WDR4: variants seen among roughly 807,000 people sequenced by gnomAD.
The protein encoded by WDR4 is tRNA (guanine-N(7)-)-methyltransferase non-catalytic subunit WDR4.
WDR4 carries 47 observed loss-of-function variants against 48.6 expected under a neutral mutation model. The ratio of observed to expected loss-of-function variants is 0.97; its 90% CI spans 0.77 to 1.23. The LOEUF is 1.23. Ranked by LOEUF, WDR4 falls within the 50% of genes most tolerant of loss-of-function variation. The probability of loss-of-function intolerance (pLI) is 0.00; values close to 1 mark genes in which losing one functional copy is unlikely to be tolerated. For missense variants in WDR4, 606 were observed against 551.6 expected (o/e 1.10, Z -0.99); for synonymous variants, 268 against 230.0 (o/e 1.17, Z -1.49).
chr21:42,847,617 G>T (rs369246478), downstream of WDR4, among the ~76,000 whole-genome samples: 2 of 152,208 alleles, frequency 1.3e-5, no homozygotes, highest in South Asian at 2.1e-4. Context: ...CTCTGCAGCC[G>T]TAGCACAAAG....
Position 42,879,517 on chromosome 21 carries a change from A to G in WDR4, c.-22T>C, listed in dbSNP as rs1364946757. On this transcript the variant is annotated 5_prime_UTR_variant, in exon 1 of 11. An upstream start codon of the reference 5' UTR is lost. Coordinates refer to ENST00000398208, the MANE Select transcript of WDR4 (RefSeq NM_018669.6). Reference sequence around the variant, plus strand: ...CCATGTACCCGCCCGCCTCACCGCCATACACATGTGCCAGCCCAGAGCCTC... The same window carrying G: ...CCATGTACCCGCCCGCCTCACCGCCGTACACATGTGCCAGCCCAGAGCCTC... The G allele has an allele frequency of 2.5e-6, 4 of 1,612,070 alleles. No individual in the cohort carries two copies. The highest frequency in any genetic ancestry group is 2.7e-5 in the African/African-American group (2 of 74,798).
At chr21:42,843,529 G>A (rs571119804) in intron 11 of WDR4, among the ~76,000 whole-genome samples, 95 of 146,936 alleles carry the variant, frequency 6.5e-4, no homozygotes, top group Admixed American at 9.1e-4. Context: ...TCCCGCCTCA[G>A]CCTCCCGAGC....
At chr21:42,879,338 G>A (rs534832824) in intron 1 of WDR4, 69 bp downstream of exon 1, 1 of 1,579,188 alleles carries the variant, frequency 6.3e-7, no homozygotes, top group Admixed American at 1.7e-5. Flanking sequence ...TGCGGGAGAA[G>A]CGGGGTCGCC....
Position 42,850,138 on chromosome 21 carries a change from C to G in WDR4, c.1150G>C (p.Glu384Gln). ...GGACTCCGGCGCCGCTGCTTCTTCT[C>G]TAGCTGCTGCTGCAGTCTCTCCTCT... ...KKEERLQQQLEKKQRRRSPPP... is the reference protein window; with the variant it reads ...KKEERLQQQLQKKQRRRSPPP... Residue 384 changes from glutamate to glutamine, a missense_variant, in exon 11 of 11, where the codon GAG (glutamate) becomes CAG (glutamine). Coordinates refer to ENST00000398208, the MANE Select transcript of WDR4 (RefSeq NM_018669.6). The G allele has an allele frequency of 6.2e-7, 1 of 1,614,130 alleles. No homozygotes were observed. The highest frequency in any genetic ancestry group is 8.5e-7 in the Non-Finnish European group (1 of 1,180,000).
At chr21:42,855,888 T>A in intron 6 of WDR4, 108 bp from the exon 7 acceptor site, 1 of 740,482 alleles carries the variant, frequency 1.4e-6, no homozygotes, top group Non-Finnish European at 2.1e-6. Context: ...GTGACAGCCA[T>A]GCCACCCACC....
the WDR4 span, among the ~76,000 whole-genome samples, chr21:42,890,408 C>T: frequency 2.6e-5 from 4 of 152,164 alleles, no homozygotes; most frequent in East Asian, 5.8e-4. Context: ...TGGTGGCACA[C>T]GCCTGTAATC....
intron 9 of WDR4, among the ~76,000 whole-genome samples, 158 bp from the exon 10 acceptor site, chr21:42,852,482 C>A (rs1176540889): frequency 6.6e-6 from 1 of 152,240 alleles, no homozygotes; most frequent in Non-Finnish European, 1.5e-5. Flanking sequence ...GGGGAGGCAG[C>A]CCCCGCAGCT....
upstream of WDR4, among the ~76,000 whole-genome samples, chr21:42,880,772 AG>A (rs2058601415): frequency 6.6e-6 from 1 of 152,124 alleles, no homozygotes; most frequent in African/African-American, 2.4e-5. Flanking sequence ...TCCTGTCATT[AG>A]CAAATTGTGA....
At chr21:42,859,870 C>A in intron 5 of WDR4, 148 bp from the exon 6 acceptor site, 1 of 819,370 alleles carries the variant, frequency 1.2e-6, no homozygotes, top group Non-Finnish European at 2.0e-6. Context: ...TGGGAAGTAG[C>A]TGTTAACCCT....
chr21:42,878,349 C>T (rs1217421641), intron 1 of WDR4, among the ~76,000 whole-genome samples: 1 of 152,106 alleles, frequency 6.6e-6, no homozygotes. Context: ...TCAGAAACTC[C>T]ACCAGCCACT....
chr21:42,866,259 T>TA (rs1014622404), intron 3 of WDR4, among the ~76,000 whole-genome samples: 29 of 152,208 alleles, frequency 1.9e-4, no homozygotes, highest in Admixed American at 6.5e-5. Flanking sequence ...CTTGCGGTTC[T>TA]AAACTGCTAC....
chr21:42,869,704 A>G (rs1305635651), intron 3 of WDR4, among the ~76,000 whole-genome samples: 1 of 152,192 alleles, frequency 6.6e-6, no homozygotes, highest in Non-Finnish European at 1.5e-5. Flanking sequence ...ATGATTCTTA[A>G]GTATATAAAG....
At position 42,850,295 on chromosome 21, in the gene WDR4, G is replaced by A. The variant is rs553634820; in HGVS notation, c.1046-53C>T. 1.2e-4 allele frequency: 186 copies of A among 1,494,158 alleles called. No homozygotes were observed. The East Asian group carries it at 1.4e-3, about 12-fold the overall frequency. 92.6% of individuals were successfully genotyped at this position (1,494,158 alleles called of 1,614,324 possible). The stretch of plus-strand genomic sequence containing the variant: ...CAGGTGGGGCAGGAACATGGGACTC[G>A]GCCACCACAGCGGGCCCCCTGCAGC... On this transcript the variant is annotated intron_variant, in intron 10 of 10. Transcript: ENST00000398208.
rs8129991 is a variant in WDR4, at chr21:42,876,452, G to A, written c.155+250C>T. On this transcript the variant is annotated intron_variant, in intron 2 of 10. Coordinates refer to ENST00000398208, the MANE Select transcript of WDR4 (RefSeq NM_018669.6). ...TGGTCTGGAAATTCTGACCTCAGGT[G>A]ATCCACCCACCTTGGCCTCCCAAAG... is the stretch of plus-strand genomic sequence containing the variant. 4.0e-3 allele frequency among the ~76,000 whole-genome samples: 609 copies of A among 152,098 alleles called. 4 individuals are homozygous for A. Among genetic ancestry groups the A allele is most frequent in the African/African-American group, 0.014 (587 of 41,466 alleles).
chr21:42,883,342 A>T (rs2058620776), upstream of WDR4, among the ~76,000 whole-genome samples: 1 of 149,586 alleles, frequency 6.7e-6, no homozygotes, highest in Non-Finnish European at 1.5e-5. Context: ...ACAAACTGGC[A>T]AGACGACATA....
chr21:42,845,887 C>T (rs1379663289), downstream of WDR4, among the ~76,000 whole-genome samples: 1 of 152,196 alleles, frequency 6.6e-6, no homozygotes, highest in African/African-American at 2.4e-5. Flanking sequence ...AATCCCAGTG[C>T]TTTGGGAAAC....
chr21:42,892,146 C>A, the WDR4 span, among the ~76,000 whole-genome samples: 1 of 150,526 alleles, frequency 6.6e-6, no homozygotes, highest in East Asian at 1.9e-4. Flanking sequence ...CCCAGCTACT[C>A]GGGAGGCTGA....
Position 42,850,591 on chromosome 21 carries a change from A to C in WDR4, c.1046-349T>G, listed in dbSNP as rs547334337. Among the ~76,000 whole-genome samples, 26 of 152,240 alleles carry C rather than the reference A, an allele frequency of 1.7e-4. No individual in the cohort carries two copies. The East Asian group carries it at 3.9e-3, about 23-fold the overall frequency. The stretch of plus-strand genomic sequence containing the variant: ...TGTGGAGGGGCCCAGGTGGCAGGGG[A>C]CCAGGAGCAGCAGCCTCTGGCCAAC... On this transcript the variant is annotated intron_variant, in intron 10 of 10. Coordinates refer to ENST00000398208, the MANE Select transcript of WDR4 (RefSeq NM_018669.6).
chr21:42,852,776 G>A (rs2057868327), intron 9 of WDR4, among the ~76,000 whole-genome samples: 2 of 152,164 alleles, frequency 1.3e-5, no homozygotes, highest in Non-Finnish European at 2.9e-5. Flanking sequence ...TTAGCCGGGT[G>A]TGGTGGCGCA....
Sources: allele counts gnomAD v4.1 joint callset (sites outside exome capture counted in the v4.1 genomes callset), GRCh38; gene constraint gnomAD v4.1.1; transcripts MANE v1.5; gene names NCBI Gene and HGNC (gene_info 2026-07-23, HGNC 2026-07-21).